CRISPLD2: variants seen among roughly 807,000 people sequenced by gnomAD.
CRISPLD2 encodes cysteine-rich secretory protein LCCL domain-containing 2.
In CRISPLD2, 47 loss-of-function variants were observed where a neutral mutation model predicts 71.1. The ratio of observed to expected loss-of-function variants is 0.66; its 90% CI spans 0.52 to 0.84. The LOEUF is 0.84. Among genes scored for constraint, CRISPLD2 ranks in the 40% least tolerant of loss-of-function variants. The pLI is 0.00. For synonymous variants in CRISPLD2, 317 were observed against 250.1 expected (o/e 1.27, Z -2.52); for missense variants, 830 against 651.1 (o/e 1.27, Z -2.99).
chr16:84,872,706 G>A (rs2071481917), intron 9 of CRISPLD2, among the ~76,000 whole-genome samples, 198 bp downstream of exon 9: 1 of 152,178 alleles, frequency 6.6e-6, no homozygotes, highest in African/African-American at 2.4e-5. Flanking sequence ...CCTCCTGAAG[G>A]CCAGTCTCCG....
chr16:84,903,116 G>C (rs1001776128), intron 14 of CRISPLD2, among the ~76,000 whole-genome samples: 1 of 152,062 alleles, frequency 6.6e-6, no homozygotes, highest in Non-Finnish European at 1.5e-5. Flanking sequence ...GCACCTAGCA[G>C]GGTGACTCCG....
At chr16:84,830,895 G>A (rs368109419) in intron 1 of CRISPLD2, among the ~76,000 whole-genome samples, 11 of 152,096 alleles carry the variant, frequency 7.2e-5, no homozygotes, top group South Asian at 2.1e-4. Context: ...CTCCATGCTC[G>A]GTGACTTCAC....
At chr16:84,833,508 G>A (rs1042157568) in intron 1 of CRISPLD2, among the ~76,000 whole-genome samples, 11 of 152,152 alleles carry the variant, frequency 7.2e-5, no homozygotes, top group African/African-American at 2.2e-4. Flanking sequence ...GCATGCACCC[G>A]GCCCTGCCTG....
intron 1 of CRISPLD2, among the ~76,000 whole-genome samples, chr16:84,822,144 T>A (rs894212937): frequency 1.3e-5 from 2 of 152,216 alleles, no homozygotes; most frequent in Non-Finnish European, 2.9e-5. Flanking sequence ...GGGGATCAAC[T>A]GACCCTGGGC....
At chr16:84,891,793 C>T (rs891059306) in intron 14 of CRISPLD2, among the ~76,000 whole-genome samples, 1 of 152,030 alleles carries the variant, frequency 6.6e-6, no homozygotes, top group African/African-American at 2.4e-5. Flanking sequence ...AGAAGGCCCC[C>T]GAAGCAGCTT....
intron 1 of CRISPLD2, among the ~76,000 whole-genome samples, chr16:84,824,475 GCTGTTCTTTCCATTCT>G (rs1161199384): frequency 1.8e-4 from 27 of 152,178 alleles, no homozygotes; most frequent in African/African-American, 2.2e-4. Context: ...CAGTCCAAGA[GCTGTTCTTTCCATTCT>G]CTGTTCTTTC....
At chr16:84,886,740 G>A (rs938427356) in intron 13 of CRISPLD2, among the ~76,000 whole-genome samples, 5 of 152,148 alleles carry the variant, frequency 3.3e-5, no homozygotes, top group East Asian at 1.9e-4. Context: ...GGAGGAGCCC[G>A]GAAGGTCAAA....
intron 8 of CRISPLD2, among the ~76,000 whole-genome samples, chr16:84,871,070 T>A (rs1304983884): frequency 1.3e-5 from 2 of 152,142 alleles, no homozygotes; most frequent in East Asian, 3.9e-4. Flanking sequence ...AATTAAAAAA[T>A]GATAAATAAA....
chr16:84,901,625 C>G (rs552837530), intron 14 of CRISPLD2, among the ~76,000 whole-genome samples: 10 of 150,838 alleles, frequency 6.6e-5, no homozygotes, highest in African/African-American at 1.7e-4. Flanking sequence ...GCATCTGCCA[C>G]CATACCCAGC....
intron 5 of CRISPLD2, among the ~76,000 whole-genome samples, chr16:84,853,879 C>T (rs887776603): frequency 2.6e-5 from 4 of 152,232 alleles, no homozygotes; most frequent in Admixed American, 2.6e-4. Flanking sequence ...TGGCCGAGGG[C>T]ACATGCTGGC....
At position 84,906,617 on chromosome 16, in the gene CRISPLD2, TC is replaced by T; in HGVS notation, c.1471del (p.Arg491GlyfsTer44). 3 of 1,613,770 alleles carry T rather than the reference TC, an allele frequency of 1.9e-6. No homozygotes were observed. Among genetic ancestry groups the T allele is most frequent in the Non-Finnish European group, 2.5e-6 (3 of 1,180,032 alleles). ...SLGTPRDGKA[F>X]RIFAVRQ ...GGGACTCCTCGGGATGGAAAGGCCT[TC>T]CGGATCTTTGCTGTCAGGCAGTGAA... On this transcript the variant is annotated frameshift_variant, in exon 15 of 15. Transcript: ENST00000262424. LOFTEE classifies it high-confidence loss of function.
At chr16:84,846,717 C>T (rs115649389) in intron 3 of CRISPLD2, among the ~76,000 whole-genome samples, 4,780 of 152,272 alleles carry the variant, frequency 0.031, 255 homozygotes, top group African/African-American at 0.11. Flanking sequence ...TTGCCTTCCC[C>T]GCGTCATCCA....
At chr16:84,885,107 G>A (rs2143331871) in intron 13 of CRISPLD2, among the ~76,000 whole-genome samples, 1 of 152,318 alleles carries the variant, frequency 6.6e-6, no homozygotes, top group Admixed American at 6.5e-5. Flanking sequence ...GATCCTGAAC[G>A]CTGACAGTGG....
intron 5 of CRISPLD2, among the ~76,000 whole-genome samples, chr16:84,853,882 A>C (rs1211796286): frequency 6.6e-6 from 1 of 152,218 alleles, no homozygotes; most frequent in Non-Finnish European, 1.5e-5. Flanking sequence ...CCGAGGGCAC[A>C]TGCTGGCAGC....
intron 1 of CRISPLD2, among the ~76,000 whole-genome samples, chr16:84,825,111 C>CA (rs1916319326): frequency 6.6e-6 from 1 of 151,548 alleles, no homozygotes; most frequent in Non-Finnish European, 1.5e-5. Context: ...CATTTCAAAA[C>CA]AAAAACAAAA....
At chr16:84,880,755 G>T in intron 13 of CRISPLD2, 171 bp downstream of exon 13, 1 of 493,628 alleles carries the variant, frequency 2.0e-6, no homozygotes, top group Non-Finnish European at 3.6e-6. Context: ...GCCCAGGCTG[G>T]AGTACAGTGG....
intron 1 of CRISPLD2, among the ~76,000 whole-genome samples, chr16:84,826,638 G>A (rs568108647): frequency 2.6e-4 from 39 of 152,056 alleles, no homozygotes; most frequent in African/African-American, 8.4e-4. Flanking sequence ...CGGGACCTGC[G>A]AGGCTGGGGC....
intron 12 of CRISPLD2, among the ~76,000 whole-genome samples, chr16:84,878,270 G>T (rs1242824770): frequency 7.1e-6 from 1 of 140,114 alleles, no homozygotes; most frequent in Non-Finnish European, 1.5e-5. Context: ...GGTATACAGG[G>T]TCACAACCAC....
chr16:84,890,928 G>A (rs897334169), intron 14 of CRISPLD2, among the ~76,000 whole-genome samples: 12 of 152,144 alleles, frequency 7.9e-5, no homozygotes, highest in East Asian at 3.9e-4. Flanking sequence ...CACCATGCCC[G>A]GCTAATTTTT....
Sources: gnomAD v4.1 joint callset for allele counts (sites outside exome capture counted in the v4.1 genomes callset) on GRCh38, gnomAD v4.1.1 for gene constraint, MANE v1.5 for transcripts, NCBI Gene and HGNC (gene_info 2026-07-23, HGNC 2026-07-21) for gene names.